Variants in PRKCA observed in about 807,000 individuals in gnomAD.
PRKCA encodes the protein protein kinase C alpha.
Under a neutral mutation model 87.0 loss-of-function variants are expected in PRKCA, and 27 were observed. The ratio of observed to expected loss-of-function variants is 0.31; its 90% CI spans 0.23 to 0.43. PRKCA has a LOEUF of 0.43. Among genes scored for constraint, PRKCA ranks in the 20% least tolerant of loss-of-function variants. The pLI, the probability that PRKCA is intolerant of heterozygous loss-of-function variation, is 1.00. For missense variants in PRKCA, 518 were observed against 852.3 expected, an observed-to-expected ratio of 0.61 and a Z score of 4.88; for synonymous variants, 329 against 311.1, an observed-to-expected ratio of 1.06 and a Z score of -0.61.
chr17:66,669,388 A>G (rs550583575), intron 5 of PRKCA, among the ~76,000 whole-genome samples: 3 of 152,318 alleles, frequency 2.0e-5, no homozygotes, highest in African/African-American at 7.2e-5. Context: ...GAATGCAGGC[A>G]AAAGGACAAA....
chr17:66,652,763 C>T (rs541855848), intron 5 of PRKCA, among the ~76,000 whole-genome samples: 2 of 152,314 alleles, frequency 1.3e-5, no homozygotes, highest in East Asian at 3.9e-4. Flanking sequence ...CTGTAGAGGT[C>T]ATTCTTGGCT....
intron 8 of PRKCA, among the ~76,000 whole-genome samples, chr17:66,713,753 G>C (rs1456447740): frequency 6.6e-6 from 1 of 152,148 alleles, no homozygotes; most frequent in Non-Finnish European, 1.5e-5. Context: ...TTACCTTGTG[G>C]CTTTTTCTGA....
intron 2 of PRKCA, among the ~76,000 whole-genome samples, chr17:66,457,244 G>T (rs1177792092): frequency 6.6e-6 from 1 of 152,104 alleles, no homozygotes; most frequent in African/African-American, 2.4e-5. Flanking sequence ...TGGGCCTGTG[G>T]GGGTCAGGAG....
Position 66,458,572 on chromosome 17 carries a change from C to T in PRKCA, c.206-37629C>T, listed in dbSNP as rs148766753. Among the ~76,000 whole-genome samples the T allele has an allele frequency of 2.8e-3, 431 of 152,062 alleles. 15 individuals are homozygous for T. In the East Asian group the frequency reaches 0.074, roughly 26 times the overall value. Reference sequence around the variant, plus strand: ...CTCAGCTCACTACAACCTCCACTTCCTGGGCTCAAGCAATCCTCTTGCTTC... The same window carrying T: ...CTCAGCTCACTACAACCTCCACTTCTTGGGCTCAAGCAATCCTCTTGCTTC... On this transcript the variant is annotated intron_variant, in intron 2 of 16. Coordinates refer to ENST00000413366, the MANE Select transcript of PRKCA (RefSeq NM_002737.3).
intron 3 of PRKCA, among the ~76,000 whole-genome samples, chr17:66,542,525 G>A (rs77723279): frequency 0.016 from 2,383 of 152,188 alleles, 55 homozygotes; most frequent in African/African-American, 0.053. Context: ...GACCTGGAAA[G>A]ATGTTCCAAT....
At chr17:66,582,207 CT>C (rs1340698209) in intron 3 of PRKCA, among the ~76,000 whole-genome samples, 3 of 152,090 alleles carry the variant, frequency 2.0e-5, no homozygotes, top group African/African-American at 7.2e-5. Flanking sequence ...TGTAGGCATT[CT>C]TGGCTAAGAG....
In PRKCA at chr17:66,358,456, A is replaced by G. The variant is rs551734442; in HGVS notation, c.205+52329A>G. ...CTAGTACCTAGAAGGTACTTTGCAC[A>G]TGGTAATGAATACATGTGTGAATTA... On this transcript the variant is annotated intron_variant, in intron 2 of 16. Coordinates refer to ENST00000413366, the MANE Select transcript of PRKCA (RefSeq NM_002737.3). Among the ~76,000 whole-genome samples the G allele has an allele frequency of 3.7e-4, 56 of 150,354 alleles. 2 individuals carry two copies. The highest frequency in any genetic ancestry group is 1.4e-3 in the African/African-American group (56 of 39,732).
At chr17:66,535,505 G>C (rs375756518) in intron 3 of PRKCA, among the ~76,000 whole-genome samples, 1 of 152,150 alleles carries the variant, frequency 6.6e-6, no homozygotes, top group African/African-American at 2.4e-5. Flanking sequence ...TGCCAAACAG[G>C]CCTCTAACTG....
intron 16 of PRKCA, among the ~76,000 whole-genome samples, chr17:66,791,399 G>C (rs1975530618): frequency 1.3e-5 from 2 of 152,254 alleles, no homozygotes; most frequent in Non-Finnish European, 2.9e-5. Context: ...GAAGGAGCTA[G>C]AAAGAATACA....
chr17:66,437,702 G>A (rs1346604428), intron 2 of PRKCA, among the ~76,000 whole-genome samples: 1 of 90,112 alleles, frequency 1.1e-5, no homozygotes, highest in Non-Finnish European at 2.0e-5. Flanking sequence ...AAGCAACTGG[G>A]TAGTTGTTTC....
At chr17:66,801,399 A>ACCCTTTCCTTTT (rs1975894829) in intron 16 of PRKCA, among the ~76,000 whole-genome samples, 1 of 152,032 alleles carries the variant, frequency 6.6e-6, no homozygotes, top group Non-Finnish European at 1.5e-5. Context: ...TCCCTGGGGG[A>ACCCTTTCCTTTT]AGAATCATCC....
intron 3 of PRKCA, among the ~76,000 whole-genome samples, chr17:66,637,053 A>G (rs1971167308): frequency 6.6e-6 from 1 of 152,172 alleles, no homozygotes; most frequent in African/African-American, 2.4e-5. Context: ...GGTTCTCCAG[A>G]CTTAGGCAGG....
In PRKCA at chr17:66,773,995, T is replaced by G; in HGVS notation, c.1533T>G (p.Ala511=). 3.1e-6 allele frequency: 5 copies of G among 1,614,054 alleles called. No homozygotes were observed. Among genetic ancestry groups the G allele is most frequent in the Non-Finnish European group, 4.2e-6 (5 of 1,179,964 alleles). Residue 511 remains alanine (A), a synonymous_variant, in exon 14 of 17, where the codon GCT becomes GCG. Transcript: ENST00000413366. ...TGTTTGTTTTCACACAGATAATCGC[T>G]TATCAGCCGTATGGAAAATCTGTGG... ...TPDYIAPEII[A]YQPYGKSVDW... is the part of the protein sequence containing the mutation.
intron 2 of PRKCA, among the ~76,000 whole-genome samples, chr17:66,477,566 G>A (rs1308350977): frequency 6.6e-6 from 1 of 152,154 alleles, no homozygotes; most frequent in Non-Finnish European, 1.5e-5. Flanking sequence ...CGAGCGTGGT[G>A]GCGGGCACCT....
intron 2 of PRKCA, among the ~76,000 whole-genome samples, chr17:66,450,698 G>C (rs981889153): frequency 6.6e-6 from 1 of 152,196 alleles, no homozygotes; most frequent in African/African-American, 2.4e-5. Flanking sequence ...TTTTGGGGAA[G>C]GGTAGGCGTC....
intron 3 of PRKCA, among the ~76,000 whole-genome samples, chr17:66,538,504 C>T (rs1967868736): frequency 6.6e-6 from 1 of 152,178 alleles, no homozygotes; most frequent in Non-Finnish European, 1.5e-5. Context: ...CCTAGGCCAG[C>T]AAACTTCGAG....
At chr17:66,551,817 C>T (rs1598761923) in intron 3 of PRKCA, among the ~76,000 whole-genome samples, 1 of 148,512 alleles carries the variant, frequency 6.7e-6, no homozygotes, top group South Asian at 2.1e-4. Flanking sequence ...TTATCTTTCT[C>T]TTCTTTCCTT....
At chr17:66,801,733 C>G (rs1359780606) in intron 16 of PRKCA, among the ~76,000 whole-genome samples, 3 of 152,120 alleles carry the variant, frequency 2.0e-5, no homozygotes, top group Non-Finnish European at 4.4e-5. Context: ...TTTGCCAGCC[C>G]ACATGTGGGA....
intron 2 of PRKCA, among the ~76,000 whole-genome samples, chr17:66,354,072 CT>C (rs1194620764): frequency 6.6e-6 from 1 of 152,146 alleles, no homozygotes; most frequent in Non-Finnish European, 1.5e-5. Context: ...TTTGTGTCAT[CT>C]GTTTTGTTGA....
Sources: allele counts gnomAD v4.1 joint callset (sites outside exome capture counted in the v4.1 genomes callset), GRCh38; gene constraint gnomAD v4.1.1; transcripts MANE v1.5; gene names NCBI Gene and HGNC (gene_info 2026-07-23, HGNC 2026-07-21).